The following DIP2B variants were observed in gnomAD, a reference collection of about 807,000 sequenced individuals.
The protein encoded by DIP2B is disco-interacting protein 2 homolog B.
DIP2B carries 76 observed loss-of-function variants against 198.0 expected under a neutral mutation model. That is an observed-to-expected ratio of 0.38 (90% CI 0.32 to 0.46). The LOEUF (loss-of-function observed/expected upper bound fraction) is 0.46. Among genes scored for constraint, DIP2B ranks in the 20% least tolerant of loss-of-function variants. The pLI is 0.99. For synonymous variants in DIP2B, 701 were observed against 739.1 expected, an observed-to-expected ratio of 0.95 and a Z score of 0.84; for missense variants, 1,559 against 1,978.4, an observed-to-expected ratio of 0.79 and a Z score of 4.02.
chr12:50,716,271 C>T (rs909360418), intron 23 of DIP2B, among the ~76,000 whole-genome samples: 2 of 139,940 alleles, frequency 1.4e-5, no homozygotes, highest in Non-Finnish European at 1.6e-5. Context: ...GTAGTAGACA[C>T]TTTGTAGACT....
intron 14 of DIP2B, 50 bp downstream of exon 14, chr12:50,693,063 G>C (rs767488251): frequency 4.8e-5 from 74 of 1,532,804 alleles, no homozygotes; most frequent in Non-Finnish European, 5.9e-5. Flanking sequence ...CTTGAGATAA[G>C]GCCAGCATGT....
chr12:50,669,684 C>T (rs1938815887), intron 4 of DIP2B, among the ~76,000 whole-genome samples: 1 of 152,190 alleles, frequency 6.6e-6, no homozygotes, highest in Non-Finnish European at 1.5e-5. Context: ...CTCGGCCTCC[C>T]AAAGTACTGG....
At chr12:50,570,919 T>A (rs1958607134) in intron 1 of DIP2B, among the ~76,000 whole-genome samples, 2 of 152,232 alleles carry the variant, frequency 1.3e-5, no homozygotes, top group South Asian at 4.1e-4. Context: ...TCAACAAAAC[T>A]TTTATTGACT....
At position 50,571,258 on chromosome 12, in the gene DIP2B, A is replaced by G. The variant is rs1335889291; in HGVS notation, c.101-54718A>G. 2.2e-4 allele frequency among the ~76,000 whole-genome samples: 31 copies of G among 142,464 alleles called. No individual in the cohort carries two copies. The East Asian group carries it at 4.5e-3, about 21-fold the overall frequency. 93.5% of individuals were successfully genotyped at this position (142,464 alleles called of 152,430 possible). A position where few individuals can be genotyped will look rare whatever the true frequency, so the allele number is the denominator to read the frequency against. ...ACGATCTCGGTTCACTGCAACCTCC[A>G]CCTCCTGGGTTCAAGAGATTCTCCT... On this transcript the variant is annotated intron_variant, in intron 1 of 37. Transcript: ENST00000301180.
chr12:50,689,781 G>C (rs984397357), intron 12 of DIP2B, among the ~76,000 whole-genome samples: 1 of 152,158 alleles, frequency 6.6e-6, no homozygotes, highest in Admixed American at 6.5e-5. Context: ...ATGGAATAAA[G>C]TGAAAAGAGA....
intron 1 of DIP2B, among the ~76,000 whole-genome samples, chr12:50,541,007 C>CTTCAATGCACTTAGTTTT (rs1291060714): frequency 9.2e-5 from 14 of 152,050 alleles, no homozygotes; most frequent in African/African-American, 2.9e-4. Context: ...TCCATAGTTT[C>CTTCAATGCACTTAGTTTT]TTCAATGCAC....
At chr12:50,708,852 C>T (rs1483498842) in intron 22 of DIP2B, among the ~76,000 whole-genome samples, 1 of 152,244 alleles carries the variant, frequency 6.6e-6, no homozygotes, top group Non-Finnish European at 1.5e-5. Flanking sequence ...ATGTGGAACA[C>T]ATCTCTGGCA....
At position 50,648,724 on chromosome 12, in the gene DIP2B, C is replaced by CT. The variant is rs548102011; in HGVS notation, c.301+7880dup. Among the ~76,000 whole-genome samples, 34 of 144,760 alleles carry CT rather than the reference C, an allele frequency of 2.3e-4. No homozygotes were observed. The East Asian group carries it at 4.6e-3, about 19-fold the overall frequency. The allele number at this position is 144,760 out of a possible 152,430, so 95.0% of individuals were successfully genotyped here. ...CCCCCCCCCTCCTTACTTGCAAGGGCTTTTTTTTAATCCTAAAGATACTAA... is the reference window on the plus strand; with the variant it reads ...CCCCCCCCCTCCTTACTTGCAAGGGCTTTTTTTTTAATCCTAAAGATACTAA... On this transcript the variant is annotated intron_variant, in intron 3 of 37. Transcript: ENST00000301180.
At chr12:50,507,918 T>A (rs952845389) in intron 1 of DIP2B, among the ~76,000 whole-genome samples, 2 of 152,186 alleles carry the variant, frequency 1.3e-5, no homozygotes, top group African/African-American at 2.4e-5. Context: ...TTCTCTCTTT[T>A]TTTTTTTAAG....
intron 1 of DIP2B, among the ~76,000 whole-genome samples, chr12:50,565,803 A>G (rs1958558637): frequency 6.6e-6 from 1 of 152,234 alleles, no homozygotes; most frequent in Non-Finnish European, 1.5e-5. Flanking sequence ...CAAACATTCT[A>G]AAATTTGAAT....
chr12:50,683,091 G>A (rs773880719), intron 9 of DIP2B, 47 bp from the exon 10 acceptor site: 2 of 1,417,240 alleles, frequency 1.4e-6, no homozygotes, highest in Admixed American at 2.0e-5. Flanking sequence ...GAAAGCATTA[G>A]TATGTTTTTA....
intron 25 of DIP2B, 84 bp from the exon 26 acceptor site, chr12:50,721,189 A>G: frequency 6.6e-7 from 1 of 1,525,770 alleles, no homozygotes; most frequent in Non-Finnish European, 8.8e-7. Flanking sequence ...CAAGCCTTTC[A>G]GGTATGATGT....
At chr12:50,678,624 G>C (rs1348848869) in intron 7 of DIP2B, 55 bp from the exon 8 acceptor site, 1 of 1,552,186 alleles carries the variant, frequency 6.4e-7, no homozygotes, top group Admixed American at 1.8e-5. Context: ...AGAGACCTAA[G>C]TTGTGTTCAT....
intron 1 of DIP2B, among the ~76,000 whole-genome samples, chr12:50,556,906 C>A (rs545369819): frequency 7.5e-4 from 114 of 152,306 alleles, no homozygotes; most frequent in African/African-American, 2.7e-3. Flanking sequence ...GACAGGGTTT[C>A]TCCATGTTGG....
At chr12:50,569,664 G>A (rs1383545987) in intron 1 of DIP2B, among the ~76,000 whole-genome samples, 4 of 152,128 alleles carry the variant, frequency 2.6e-5, no homozygotes, top group Non-Finnish European at 5.9e-5. Flanking sequence ...TGACTTCTCA[G>A]TATTTTACCA....
chr12:50,506,230 G>C (rs1957967428), intron 1 of DIP2B, among the ~76,000 whole-genome samples: 1 of 152,124 alleles, frequency 6.6e-6, no homozygotes, highest in African/African-American at 2.4e-5. Flanking sequence ...CTTGATACCA[G>C]TACTTTGATT....
Position 50,675,354 on chromosome 12 carries a change from T to G in DIP2B, c.822T>G (p.Ser274=). ...ADGVPVSSRV[S]TKIQQLLNTL... ...GTGTTCCTGTCAGTAGCAGAGTATC[T>G]ACAAAAATCCAGCAGCTTCTGAACA... Residue 274 remains serine, a synonymous_variant, in exon 7 of 38, where the codon TCT becomes TCG. Coordinates refer to ENST00000301180, the MANE Select transcript of DIP2B (RefSeq NM_173602.3). 1 of 1,613,196 alleles carries G rather than the reference T, an allele frequency of 6.2e-7. No individual in the cohort carries two copies. The highest frequency in any genetic ancestry group is 8.5e-7 in the Non-Finnish European group (1 of 1,179,412).
chr12:50,630,661 TTC>T (rs1335179408), intron 2 of DIP2B, among the ~76,000 whole-genome samples: 25 of 112,978 alleles, frequency 2.2e-4, no homozygotes, highest in African/African-American at 6.3e-4. Context: ...ATTCTTTCTT[TTC>T]TTTTTTTTTT....
intron 8 of DIP2B, 34 bp downstream of exon 8, chr12:50,678,910 G>A: frequency 6.2e-7 from 1 of 1,611,874 alleles, no homozygotes; most frequent in Non-Finnish European, 8.5e-7. Flanking sequence ...CTTCTCTCCT[G>A]AGAGTTCTTC....
Sources: gnomAD v4.1 joint callset for allele counts (sites outside exome capture counted in the v4.1 genomes callset) on GRCh38, gnomAD v4.1.1 for gene constraint, MANE v1.5 for transcripts, NCBI Gene and HGNC (gene_info 2026-07-23, HGNC 2026-07-21) for gene names.